The following TMTC1 variants were observed in gnomAD, a reference collection of about 807,000 sequenced individuals.
TMTC1 encodes the protein protein O-mannosyl-transferase TMTC1.
TMTC1 carries 73 observed loss-of-function variants against 104.8 expected under a neutral mutation model. The ratio of observed to expected loss-of-function variants is 0.70; its 90% CI spans 0.58 to 0.85. The LOEUF (loss-of-function observed/expected upper bound fraction) is 0.85, where lower values mean the gene tolerates loss of function less well. Among genes scored for constraint, TMTC1 ranks in the 40% least tolerant of loss-of-function variants. The pLI, the probability that TMTC1 is intolerant of heterozygous loss-of-function variation, is 0.00. For missense variants in TMTC1, 1,035 were observed against 1,096.1 expected, an observed-to-expected ratio of 0.94 and a Z score of 0.79; for synonymous variants, 434 against 428.7, an observed-to-expected ratio of 1.01 and a Z score of -0.15.
chr12:29,584,799 A>G (rs1227914552), intron 7 of TMTC1, among the ~76,000 whole-genome samples: 2 of 151,180 alleles, frequency 1.3e-5, no homozygotes, highest in Non-Finnish European at 3.0e-5. Context: ...ATAGTATTCC[A>G]TGGTGTATAT....
intron 5 of TMTC1, among the ~76,000 whole-genome samples, chr12:29,651,782 C>A (rs1467179225): frequency 6.6e-6 from 1 of 151,868 alleles, no homozygotes; most frequent in African/African-American, 2.4e-5. Context: ...CTTGGGTGGC[C>A]TATATAGTCT....
intron 2 of TMTC1, among the ~76,000 whole-genome samples, chr12:29,763,149 C>T (rs1052390010): frequency 2.6e-5 from 4 of 152,228 alleles, no homozygotes; most frequent in Non-Finnish European, 5.9e-5. Context: ...TGGCTTCTTG[C>T]ATTGCAGCCA....
At chr12:29,736,391 AAAGT>A (rs1214351264) in intron 5 of TMTC1, among the ~76,000 whole-genome samples, 1 of 152,190 alleles carries the variant, frequency 6.6e-6, no homozygotes, top group Admixed American at 6.5e-5. Flanking sequence ...GAAATAAAGA[AAAGT>A]AACCTTTTCC....
intron 5 of TMTC1, among the ~76,000 whole-genome samples, chr12:29,646,677 C>A (rs75511432): frequency 6.6e-6 from 1 of 152,238 alleles, no homozygotes; most frequent in East Asian, 1.9e-4. Context: ...TGGAAAACTA[C>A]GCTCATTGAC....
chr12:29,520,453 G>C (rs1481966564), intron 12 of TMTC1, among the ~76,000 whole-genome samples, 165 bp downstream of exon 12: 1 of 152,200 alleles, frequency 6.6e-6, no homozygotes, highest in East Asian at 1.9e-4. Flanking sequence ...AATCGAGCTT[G>C]AAGATCTAGA....
intron 12 of TMTC1, chr12:29,519,686 A>C (rs1261596744): frequency 6.6e-6 from 1 of 152,162 alleles, no homozygotes; most frequent in Non-Finnish European, 1.5e-5. Context: ...CTGTTGTTGA[A>C]GTAAAAGGAG....
At chr12:29,604,083 C>A in intron 7 of TMTC1, 95 bp downstream of exon 7, 1 of 1,524,318 alleles carries the variant, frequency 6.6e-7, no homozygotes, top group Non-Finnish European at 9.0e-7. Context: ...CCATGAGGAT[C>A]TAATGGTCTA....
At chr12:29,560,289 C>T (rs2136271254) in intron 9 of TMTC1, among the ~76,000 whole-genome samples, 1 of 152,300 alleles carries the variant, frequency 6.6e-6, no homozygotes, top group South Asian at 2.1e-4. Flanking sequence ...TGTAAGAGCA[C>T]TCACTGGATT....
chr12:29,629,401 A>G (rs1938180434), intron 6 of TMTC1, among the ~76,000 whole-genome samples: 1 of 152,082 alleles, frequency 6.6e-6, no homozygotes, highest in Non-Finnish European at 1.5e-5. Context: ...TATCGAGCCA[A>G]TGTATGTTTT....
chr12:29,566,250 A>C (rs1945510362), intron 9 of TMTC1, among the ~76,000 whole-genome samples: 1 of 152,166 alleles, frequency 6.6e-6, no homozygotes, highest in African/African-American at 2.4e-5. Flanking sequence ...CCCCTGAAAC[A>C]GGAAGGTGAT....
intron 10 of TMTC1, among the ~76,000 whole-genome samples, chr12:29,540,782 C>T (rs913351541): frequency 5.3e-5 from 8 of 151,940 alleles, no homozygotes; most frequent in Admixed American, 1.3e-4. Context: ...ATCATGAGGT[C>T]AGAGGAGTTC....
chr12:29,586,749 G>A lies in TMTC1; in HGVS notation c.1251-3175C>T, dbSNP rs540061067. Among the ~76,000 whole-genome samples, 10 of 142,048 alleles carry A rather than the reference G, an allele frequency of 7.0e-5. 2 individuals carry two copies. The highest frequency in any genetic ancestry group is 2.2e-4 in the African/African-American group (8 of 35,812). 93.2% of individuals were successfully genotyped at this position (142,048 alleles called of 152,430 possible). A position where few individuals can be genotyped will look rare whatever the true frequency, so the allele number is the denominator to read the frequency against. On this transcript the variant is annotated intron_variant, in intron 7 of 17. Transcript: ENST00000539277. ...TGCTGGATTACGTTTATTGATTTTC[G>A]AATGTTAAACCAGCCTTGCATCCCA...
intron 1 of TMTC1, among the ~76,000 whole-genome samples, chr12:29,769,926 A>G (rs907379784): frequency 1.7e-4 from 26 of 151,856 alleles, no homozygotes; most frequent in African/African-American, 4.8e-5. Flanking sequence ...CTATATATAC[A>G]TAAGTATATA....
chr12:29,555,223 T>G (rs1469770152), intron 10 of TMTC1, among the ~76,000 whole-genome samples: 1 of 143,686 alleles, frequency 7.0e-6, no homozygotes, highest in African/African-American at 2.6e-5. Flanking sequence ...CTGCAACCTC[T>G]GCATCTCAGG....
At chr12:29,689,260 G>T (rs1291752918) in intron 5 of TMTC1, among the ~76,000 whole-genome samples, 7 of 146,766 alleles carry the variant, frequency 4.8e-5, no homozygotes, top group East Asian at 4.0e-4. Flanking sequence ...TAAGCCACTG[G>T]TTTTTTTTTT....
chr12:29,571,488 A>G (rs577284252), intron 9 of TMTC1, among the ~76,000 whole-genome samples: 4 of 151,996 alleles, frequency 2.6e-5, no homozygotes, highest in African/African-American at 9.6e-5. Flanking sequence ...GCAGAACTTA[A>G]ATTTTTAGTT....
intron 5 of TMTC1, among the ~76,000 whole-genome samples, chr12:29,693,887 T>C (rs1166325159): frequency 1.3e-5 from 2 of 152,212 alleles, no homozygotes; most frequent in African/African-American, 4.8e-5. Flanking sequence ...GTTCTCTTGG[T>C]ATTTGTAGAG....
chr12:29,633,406 A>G, intron 5 of TMTC1, 70 bp from the exon 6 acceptor site: 1 of 1,307,374 alleles, frequency 7.6e-7, no homozygotes, highest in Non-Finnish European at 1.1e-6. Flanking sequence ...TTCAGTCACC[A>G]TATTTTTATT....
intron 9 of TMTC1, among the ~76,000 whole-genome samples, chr12:29,567,299 G>A (rs1290721643): frequency 6.6e-6 from 1 of 152,184 alleles, no homozygotes; most frequent in African/African-American, 2.4e-5. Context: ...AGTGGTCTAA[G>A]ATAGCCAGAA....
Sources: gnomAD v4.1 joint callset for allele counts (sites outside exome capture counted in the v4.1 genomes callset) on GRCh38, gnomAD v4.1.1 for gene constraint, MANE v1.5 for transcripts, NCBI Gene and HGNC (gene_info 2026-07-23, HGNC 2026-07-21) for gene names.